WNT11: variants seen among roughly 807,000 people sequenced by gnomAD.
WNT11 encodes protein Wnt-11.
A neutral mutation model predicts 35.6 loss-of-function variants in WNT11; 20 were observed. The observed-to-expected ratio is 0.56, with a 90% confidence interval of 0.40 to 0.82. WNT11 has a LOEUF of 0.82. WNT11 is among the 40% of genes least tolerant of loss of function. WNT11 has a pLI of 0.00. For synonymous variants in WNT11, 200 were observed against 211.9 expected, an observed-to-expected ratio of 0.94 and a Z score of 0.49; for missense variants, 459 against 504.4, an observed-to-expected ratio of 0.91 and a Z score of 0.86.
In WNT11 at chr11:76,194,194, C is replaced by T. The variant is rs992098491; in HGVS notation, c.597+373G>A. On this transcript the variant is annotated intron_variant, in intron 3 of 4. Transcript: ENST00000322563. The surrounding 1 kb of genome is among the most constrained non-coding windows in gnomAD (Gnocchi z 5.4). The stretch of plus-strand genomic sequence containing the variant: ...TTGAGGAACATGACAGATGGGGACT[C>T]AGCACCAGGTCACCCCCACCATTTC... 6.6e-6 allele frequency among the ~76,000 whole-genome samples: 1 copy of T among 151,954 alleles called. No homozygotes were observed. Among genetic ancestry groups the T allele is most frequent in the Non-Finnish European group, 1.5e-5 (1 of 68,006 alleles).
At chr11:76,206,549 G>C (rs545941737), upstream of WNT11, 93 of 1,220,824 alleles carry the variant, frequency 7.6e-5, no homozygotes, top group African/African-American at 1.4e-3. Context: ...CGCGGGCGGG[G>C]GAGGCGTTTT....
upstream of WNT11, among the ~76,000 whole-genome samples, chr11:76,208,658 G>A (rs1953510783): frequency 6.6e-6 from 1 of 152,170 alleles, no homozygotes; most frequent in African/African-American, 2.4e-5. Flanking sequence ...TCACAGCGGG[G>A]GATCTGTGTC....
chr11:76,202,876 C>T (rs1953404615), intron 1 of WNT11, among the ~76,000 whole-genome samples: 1 of 152,194 alleles, frequency 6.6e-6, no homozygotes. Flanking sequence ...GGGCCTTGAG[C>T]CTGCAGATCC....
chr11:76,202,647 G>A (rs12226326), intron 1 of WNT11, among the ~76,000 whole-genome samples: 2 of 152,152 alleles, frequency 1.3e-5, no homozygotes, highest in African/African-American at 2.4e-5. Context: ...TCTAGGAACC[G>A]GGGAGAGGTC....
upstream of WNT11, chr11:76,210,576 C>T (rs905015198): frequency 1.0e-5 from 10 of 985,078 alleles, no homozygotes; most frequent in Middle Eastern, 5.2e-4. Context: ...TCCGGCTGGG[C>T]GAGCGGCGAA....
upstream of WNT11, among the ~76,000 whole-genome samples, chr11:76,208,895 C>T (rs1953514073): frequency 1.3e-5 from 2 of 152,298 alleles, no homozygotes; most frequent in South Asian, 2.1e-4. Flanking sequence ...GCGCAGGCCA[C>T]GGGGTCACCT....
At chr11:76,197,902 CA>C in intron 1 of WNT11, among the ~76,000 whole-genome samples, 1 of 152,206 alleles carries the variant, frequency 6.6e-6, no homozygotes, top group East Asian at 1.9e-4. Context: ...TCAGTGCCCC[CA>C]CCCACAGCAG....
At chr11:76,198,566 T>A (rs1953324053) in intron 1 of WNT11, among the ~76,000 whole-genome samples, 1 of 152,234 alleles carries the variant, frequency 6.6e-6, no homozygotes, top group African/African-American at 2.4e-5. Context: ...CCCCTGCTTC[T>A]GGACATGAAT....
intron 1 of WNT11, among the ~76,000 whole-genome samples, chr11:76,200,130 T>A (rs1007018003): frequency 2.6e-4 from 38 of 146,548 alleles, no homozygotes; most frequent in Non-Finnish European, 4.5e-4. Context: ...CAGGGCCTGG[T>A]GTCTGTGGTT....
chr11:76,208,195 G>A (rs1953502751), upstream of WNT11, among the ~76,000 whole-genome samples: 1 of 152,350 alleles, frequency 6.6e-6, no homozygotes, highest in South Asian at 2.1e-4. Context: ...TTTGCACCGC[G>A]ACGCCACCTG....
rs1446816552 is a variant in WNT11 at position 76,196,522 on chromosome 11, T to C, written c.280A>G (p.Ile94Val). Residue 94 changes from isoleucine to valine, a missense_variant, in exon 2 of 5, where the codon ATT becomes GTT. Ile to Val is a conservative substitution (Grantham distance 29). Transcript: ENST00000322563. Reference protein sequence around the residue: ...FADMRWNCSSIELAPNYLLDL... With the variant: ...FADMRWNCSSVELAPNYLLDL... ...AGCAAATAGTTGGGGGCGAGCTCAA[T>C]GGAGGAGCAGTTCCAGCGCATGTCG... is the stretch of plus-strand genomic sequence containing the variant. The C allele has an allele frequency of 2.5e-6, 4 of 1,613,532 alleles. No individual in the cohort carries two copies. In the South Asian group the frequency reaches 3.3e-5, roughly 13 times the overall value.
intron 1 of WNT11, among the ~76,000 whole-genome samples, chr11:76,203,960 T>C (rs139530944): frequency 1.3e-5 from 2 of 152,320 alleles, no homozygotes; most frequent in East Asian, 3.9e-4. Context: ...GACACCCTGC[T>C]AGGTAGAGTC....
intron 4 of WNT11, among the ~76,000 whole-genome samples, chr11:76,188,125 T>A (rs530737930): frequency 2.3e-4 from 35 of 152,260 alleles, no homozygotes; most frequent in Non-Finnish European, 4.3e-4. Context: ...GAACCCCCAC[T>A]GGGCATCAGA....
intron 1 of WNT11, among the ~76,000 whole-genome samples, chr11:76,205,074 AG>A (rs1953450364): frequency 6.6e-6 from 1 of 152,138 alleles, no homozygotes; most frequent in Admixed American, 6.5e-5. Context: ...AGCTGGGAAA[AG>A]CTAGTGCCCA....
At chr11:76,210,501 CGTGCCCGG>C, upstream of WNT11, 3 of 985,258 alleles carry the variant, frequency 3.0e-6, no homozygotes, top group Non-Finnish European at 3.6e-6. Context: ...GCGCGCCCTG[CGTGCCCGG>C]GTGCCCCGGC....
chr11:76,203,349 TG>T (rs929816729), intron 1 of WNT11, among the ~76,000 whole-genome samples: 10 of 152,298 alleles, frequency 6.6e-5, no homozygotes, highest in African/African-American at 1.9e-4. Flanking sequence ...TAGAGCCTCC[TG>T]GCCCCACCTC....
intron 1 of WNT11, 144 bp downstream of exon 1, chr11:76,206,181 A>T: frequency 1.5e-6 from 1 of 676,232 alleles, no homozygotes; most frequent in Non-Finnish European, 2.2e-6. Flanking sequence ...GAGGAAACAG[A>T]GGCTGAGGGA....
chr11:76,206,263 C>G, intron 1 of WNT11, 62 bp downstream of exon 1: 1 of 1,358,802 alleles, frequency 7.4e-7, no homozygotes. Flanking sequence ...CAGGGGACCC[C>G]AAAACGCCCT....
chr11:76,206,597 C>T (rs542237988), upstream of WNT11: 59 of 1,165,300 alleles, frequency 5.1e-5, no homozygotes, highest in Middle Eastern at 1.0e-3. Context: ...CCCGGGGAGG[C>T]CGAGCGCGGC....
Sources: allele counts gnomAD v4.1 joint callset (sites outside exome capture counted in the v4.1 genomes callset), GRCh38; gene constraint gnomAD v4.1.1; non-coding constraint Gnocchi (gnomAD v3.1); transcripts MANE v1.5; gene names NCBI Gene and HGNC (gene_info 2026-07-23, HGNC 2026-07-21).